AP3B2: variants seen among roughly 807,000 people sequenced by gnomAD.
AP3B2 encodes AP-3 complex subunit beta-2.
In AP3B2, 50 loss-of-function variants were observed where a neutral mutation model predicts 126.9. The observed-to-expected ratio is 0.39, with a 90% CI of 0.31 to 0.50. The LOEUF (loss-of-function observed/expected upper bound fraction) is 0.50. AP3B2 is among the 20% of genes least tolerant of loss of function. AP3B2 has a pLI of 0.79. For missense variants in AP3B2, 1,177 were observed against 1,426.4 expected, an observed-to-expected ratio of 0.83 and a Z score of 2.82; for synonymous variants, 541 against 565.0, an observed-to-expected ratio of 0.96 and a Z score of 0.60.
intron 4 of AP3B2, among the ~76,000 whole-genome samples, chr15:82,683,530 A>C (rs11638815): frequency 0.2 from 30,163 of 152,136 alleles, 3,691 homozygotes; most frequent in South Asian, 0.34. Flanking sequence ...CCTCCACTGA[A>C]GTAGTGAACC....
intron 1 of AP3B2, among the ~76,000 whole-genome samples, chr15:82,695,384 C>T (rs1375450432): frequency 6.6e-6 from 1 of 152,140 alleles, no homozygotes; most frequent in African/African-American, 2.4e-5. Context: ...TAGGCGTGAG[C>T]TGCTGTGCCC....
At chr15:82,693,535 C>T (rs1440910395) in intron 1 of AP3B2, among the ~76,000 whole-genome samples, 1 of 152,006 alleles carries the variant, frequency 6.6e-6, no homozygotes, top group African/African-American at 2.4e-5. Flanking sequence ...GTGTGAGCCA[C>T]CACACCTGGC....
Position 82,688,834 on chromosome 15 carries a change from T to C in AP3B2, c.265-3A>G, listed in dbSNP as rs771981476. On this transcript the variant is annotated splice_polypyrimidine_tract_variant and splice_region_variant and intron_variant, in intron 3 of 26. Transcript: ENST00000535359. Reference sequence around the variant, plus strand: ...TACACATAGACAAGCTTCTTCACCTTGGGGAGAGCACGTTTCTCAGCAGAA... The same window carrying C: ...TACACATAGACAAGCTTCTTCACCTCGGGGAGAGCACGTTTCTCAGCAGAA... The C allele has an allele frequency of 6.2e-7, 1 of 1,609,140 alleles. No homozygotes were observed. Among genetic ancestry groups the C allele is most frequent in the Non-Finnish European group, 8.5e-7 (1 of 1,177,632 alleles).
chr15:82,670,479 G>T (rs1255082135), intron 14 of AP3B2, among the ~76,000 whole-genome samples: 1 of 152,102 alleles, frequency 6.6e-6, no homozygotes. Context: ...AATAAATGGC[G>T]CTGGGAAAAC....
intron 25 of AP3B2, among the ~76,000 whole-genome samples, chr15:82,661,039 T>A (rs565208134): frequency 8.4e-4 from 128 of 152,268 alleles, no homozygotes; most frequent in African/African-American, 3.0e-3. Context: ...TGCAGACACC[T>A]TCTGCCTTGT....
chr15:82,689,044 C>G, intron 3 of AP3B2, 114 bp downstream of exon 3: 1 of 1,239,250 alleles, frequency 8.1e-7, no homozygotes, highest in Non-Finnish European at 1.2e-6. Flanking sequence ...GGCTCAGAGA[C>G]ATTTCTCAGC....
chr15:82,678,263 C>A, intron 10 of AP3B2, 96 bp from the exon 11 acceptor site: 3 of 1,162,768 alleles, frequency 2.6e-6, no homozygotes, highest in Admixed American at 1.9e-5. Flanking sequence ...AGAAAACAAT[C>A]CTCATGACAG....
rs2047995402 is a variant in AP3B2, at chr15:82,663,571, T to A, written c.2486A>T (p.Asp829Val). ...CCACCCAAACTCACAATCCTCTAGA[T>A]CAAGCAGGGAGATCTCCTTGGTTGC... ...APATKEISLL[D>V]LEDFTPPSVQ... Residue 829 changes from aspartate (D) to valine (V), a missense_variant, in exon 21 of 27, where the codon GAT becomes GTT. By Grantham distance (152) the Asp-to-Val change is radical (BLOSUM62 -3). Coordinates refer to ENST00000535359, the MANE Select transcript of AP3B2 (RefSeq NM_001278512.2). 2 of 1,613,776 alleles carry A rather than the reference T, an allele frequency of 1.2e-6. No homozygotes were observed. The highest frequency in any genetic ancestry group is 1.7e-6 in the Non-Finnish European group (2 of 1,179,800).
At chr15:82,691,903 C>T in intron 1 of AP3B2, 1 of 1,271,174 alleles carries the variant, frequency 7.9e-7, no homozygotes, top group South Asian at 1.2e-5. Context: ...CCAATTTATG[C>T]AGGGCATATT....
chr15:82,685,390 T>C (rs1052514150), intron 4 of AP3B2: 7 of 152,230 alleles, frequency 4.6e-5, no homozygotes, highest in Non-Finnish European at 8.8e-5. Flanking sequence ...CTATTACTCT[T>C]AGAGAATGAC....
At position 82,680,140 on chromosome 15, in the gene AP3B2, C is replaced by G. The variant is rs1242075840; in HGVS notation, c.1110+35G>C. ...CTCCAGTGCCCGCAGAAGCGGCCCT[C>G]GGACAGCGAGGACAGCCCGCCGTCG... On this transcript the variant is annotated intron_variant, in intron 9 of 26. Coordinates refer to ENST00000535359, the MANE Select transcript of AP3B2 (RefSeq NM_001278512.2). This position sits in a 1 kb window ranked among gnomAD's most constrained non-coding sequence, Gnocchi z 6.1. 6.2e-7 allele frequency: 1 copy of G among 1,611,976 alleles called. No individual in the cohort carries two copies.
At chr15:82,660,338 T>TG (rs955779867) in intron 25 of AP3B2, among the ~76,000 whole-genome samples, 1 of 152,082 alleles carries the variant, frequency 6.6e-6, no homozygotes, top group African/African-American at 2.4e-5. Flanking sequence ...TGATCTTTCC[T>TG]GGGGGGCCCT....
At chr15:82,676,049 ATCTTT>A (rs2048237021) in intron 14 of AP3B2, among the ~76,000 whole-genome samples, 1 of 152,078 alleles carries the variant, frequency 6.6e-6, no homozygotes, top group Non-Finnish European at 1.5e-5. Flanking sequence ...TCACCCCCTT[ATCTTT>A]GGCACAGACT....
intron 14 of AP3B2, among the ~76,000 whole-genome samples, chr15:82,674,244 T>C (rs1350981589): frequency 6.6e-6 from 1 of 152,142 alleles, no homozygotes; most frequent in East Asian, 1.9e-4. Context: ...ATCACTACTG[T>C]TTTGCAAGCA....
chr15:82,673,151 G>A (rs1200473946), intron 14 of AP3B2, among the ~76,000 whole-genome samples: 1 of 152,214 alleles, frequency 6.6e-6, no homozygotes, highest in Non-Finnish European at 1.5e-5. Flanking sequence ...TTATTATGTA[G>A]CAGAAAACTA....
At chr15:82,674,598 TG>T (rs201555834) in intron 14 of AP3B2, among the ~76,000 whole-genome samples, 1,558 of 152,348 alleles carry the variant, frequency 0.01, 16 homozygotes, top group Non-Finnish European at 0.017. Context: ...TTCTCCTACT[TG>T]GCTGTGAGTA....
intron 1 of AP3B2, among the ~76,000 whole-genome samples, chr15:82,705,009 T>C (rs1363897685): frequency 6.6e-6 from 1 of 152,148 alleles, no homozygotes; most frequent in African/African-American, 2.4e-5. Flanking sequence ...GTTCCCTTAT[T>C]AGGCCGAGAC....
intron 14 of AP3B2, among the ~76,000 whole-genome samples, chr15:82,670,572 TAAATC>T (rs1442150135): frequency 2.6e-5 from 4 of 152,212 alleles, no homozygotes; most frequent in Non-Finnish European, 5.9e-5. Context: ...ATTAAAAACT[TAAATC>T]TAACACTTCA....
chr15:82,703,638 A>G (rs1031241652), intron 1 of AP3B2, among the ~76,000 whole-genome samples: 2 of 152,224 alleles, frequency 1.3e-5, no homozygotes, highest in Admixed American at 6.5e-5. Flanking sequence ...CGATTTTTCC[A>G]TCCTACAAGA....
Sources: gnomAD v4.1 joint callset for allele counts (sites outside exome capture counted in the v4.1 genomes callset) on GRCh38, gnomAD v4.1.1 for gene constraint, Gnocchi (gnomAD v3.1) non-coding constraint, MANE v1.5 for transcripts, NCBI Gene and HGNC (gene_info 2026-07-23, HGNC 2026-07-21) for gene names.